EVC: variants seen among roughly 807,000 people sequenced by gnomAD.
EVC encodes the protein EvC ciliary complex subunit 1, also known as evC complex member EVC.
EVC carries 116 observed loss-of-function variants against 118.9 expected under a neutral mutation model. The observed-to-expected ratio is 0.98, with a 90% confidence interval of 0.84 to 1.14. The LOEUF (loss-of-function observed/expected upper bound fraction) is 1.14. Among genes scored for constraint, EVC ranks in the 50% most tolerant of loss-of-function variants. EVC has a pLI of 0.00. For missense variants in EVC, 1,401 were observed against 1,246.4 expected, an observed-to-expected ratio of 1.12 and a Z score of -1.87; for synonymous variants, 619 against 534.7, an observed-to-expected ratio of 1.16 and a Z score of -2.18.
chr4:5,776,064 T>G (rs1734676002), intron 11 of EVC, among the ~76,000 whole-genome samples: 1 of 152,092 alleles, frequency 6.6e-6, no homozygotes, highest in South Asian at 2.1e-4. Context: ...TTTCCATTCC[T>G]AATTTGCTAA....
chr4:5,803,980 G>C (rs920166879), intron 16 of EVC, among the ~76,000 whole-genome samples: 1 of 147,154 alleles, frequency 6.8e-6, no homozygotes, highest in African/African-American at 2.5e-5. Context: ...TCACTCAATC[G>C]CCCAGACTGG....
downstream of EVC, among the ~76,000 whole-genome samples, chr4:5,816,823 G>C (rs751920530): frequency 4.6e-5 from 7 of 151,762 alleles, no homozygotes; most frequent in African/African-American, 1.7e-4. Context: ...TACACATCTT[G>C]CCCACATCTA....
intron 3 of EVC, 86 bp downstream of exon 3, chr4:5,729,476 T>C: frequency 7.7e-7 from 1 of 1,298,490 alleles, no homozygotes; most frequent in Non-Finnish European, 1.1e-6. Context: ...ATTAACTGTG[T>C]GATGTTTGGT....
At chr4:5,757,580 C>G (rs79624592) in intron 11 of EVC, among the ~76,000 whole-genome samples, 10,085 of 152,306 alleles carry the variant, frequency 0.066, 1,119 homozygotes, top group African/African-American at 0.23. Flanking sequence ...GCCTCTCTTC[C>G]GGGCTTGCAG....
Position 5,743,813 on chromosome 4 carries a change from G to C in EVC, c.802-1391G>C, listed in dbSNP as rs1728974851. 6.6e-6 allele frequency among the ~76,000 whole-genome samples: 1 copy of C among 152,136 alleles called. No individual in the cohort carries two copies. The highest frequency in any genetic ancestry group is 2.4e-5 in the African/African-American group (1 of 41,428). The stretch of plus-strand genomic sequence containing the variant: ...AATAGTTATGACAGCCCTGTGAGTG[G>C]CCATTGTTATTTTTGTTTTACAGCT... On this transcript the variant is annotated intron_variant, in intron 6 of 20. Transcript: ENST00000264956. The surrounding 1 kb of genome is among the most constrained non-coding windows in gnomAD (Gnocchi z 4.7).
At chr4:5,801,117 C>T (rs1338962047) in intron 15 of EVC, among the ~76,000 whole-genome samples, 2 of 152,186 alleles carry the variant, frequency 1.3e-5, no homozygotes, top group Non-Finnish European at 2.9e-5. Flanking sequence ...TGTAGAAACG[C>T]ATGTAGCTGC....
intron 2 of EVC, among the ~76,000 whole-genome samples, chr4:5,728,128 T>A (rs1049133461): frequency 1.3e-5 from 2 of 152,174 alleles, no homozygotes; most frequent in African/African-American, 2.4e-5. Context: ...TGGCTGCTTG[T>A]TGGGGATGGC....
Position 5,711,266 on chromosome 4 carries a change from T to G in EVC, c.-115T>G, listed in dbSNP as rs1577296255. ...GGGAGACTGCACAGGCCAGAAAGTC[T>G]GCGGAGCGGGCCGCGCCCCTGGCCC... is the stretch of plus-strand genomic sequence containing the variant. On this transcript the variant is annotated 5_prime_UTR_variant, in exon 1 of 21. Transcript: ENST00000264956. 1 of 674,680 alleles carries G rather than the reference T, an allele frequency of 1.5e-6. No homozygotes were observed. The highest frequency in any genetic ancestry group is 1.8e-6 in the Non-Finnish European group (1 of 545,388). 41.8% of individuals were successfully genotyped at this position (674,680 alleles called of 1,614,324 possible).
chr4:5,759,674 C>G (rs896869209), intron 11 of EVC, among the ~76,000 whole-genome samples: 3 of 152,198 alleles, frequency 2.0e-5, no homozygotes, highest in Non-Finnish European at 2.9e-5. Flanking sequence ...ATTACACAAC[C>G]AGGCTGACAG....
chr4:5,797,283 A>T lies in EVC; in HGVS notation c.2097+51A>T, dbSNP rs1394936183. 11 of 1,426,354 alleles carry T rather than the reference A, an allele frequency of 7.7e-6. No homozygotes were observed. The East Asian group carries it at 2.5e-4, about 32-fold the overall frequency. The allele number at this position is 1,426,354 out of a possible 1,614,324, so 88.4% of individuals were successfully genotyped here. Reference sequence around the variant, plus strand: ...CATTCCAGACAGGCGGTGCCCCTGCAGCAGGCCCCAGCTTCCAGCAGGTTT... The same window carrying T: ...CATTCCAGACAGGCGGTGCCCCTGCTGCAGGCCCCAGCTTCCAGCAGGTTT... On this transcript the variant is annotated intron_variant, in intron 14 of 20. Coordinates refer to ENST00000264956, the MANE Select transcript of EVC (RefSeq NM_153717.3).
rs57482108 is a variant in EVC at position 5,749,341 on chromosome 4, G to GAAA, written c.1098+1052_1098+1054dup. On this transcript the variant is annotated intron_variant, in intron 8 of 20. Coordinates refer to ENST00000264956, the MANE Select transcript of EVC (RefSeq NM_153717.3). This position sits in a 1 kb window ranked among gnomAD's most constrained non-coding sequence, Gnocchi z 4.4. ...TAACACTAACGATAGCTGATGAGCGGAAAAAAAAAAAAAAAAAAAGGTCCC... is the reference window on the plus strand; with the variant it reads ...TAACACTAACGATAGCTGATGAGCGGAAAAAAAAAAAAAAAAAAAAAAGGTCCC... Among the ~76,000 whole-genome samples, 1 of 121,876 alleles carries GAAA rather than the reference G, an allele frequency of 8.2e-6. No homozygotes were observed. The highest frequency in any genetic ancestry group is 3.2e-5 in the African/African-American group (1 of 31,282). 80.0% of individuals were successfully genotyped at this position (121,876 alleles called of 152,430 possible). A position where few individuals can be genotyped will look rare whatever the true frequency, so the allele number is the denominator to read the frequency against.
chr4:5,746,316 T>G lies in EVC; in HGVS notation c.939+975T>G, dbSNP rs888515619. Among the ~76,000 whole-genome samples, 2 of 152,088 alleles carry G rather than the reference T, an allele frequency of 1.3e-5. No individual in the cohort carries two copies. Among genetic ancestry groups the G allele is most frequent in the South Asian group, 4.1e-4 (2 of 4,822 alleles). ...TGGGCTAATCCAGCAGGAACTTTAT[T>G]AAGGCAACTGCAGTAGGATGGAGAG... On this transcript the variant is annotated intron_variant, in intron 7 of 20. Coordinates refer to ENST00000264956, the MANE Select transcript of EVC (RefSeq NM_153717.3). This position sits in a 1 kb window ranked among gnomAD's most constrained non-coding sequence, Gnocchi z 5.8.
Position 5,756,826 on chromosome 4 carries a change from G to C in EVC, c.1563+464G>C, listed in dbSNP as rs1248545629. ...TGAAGCTGGCCATGCTTGCCCTGCA[G>C]GGTGACTTTCAGAGAGCAGGAGAGG... On this transcript the variant is annotated intron_variant, in intron 11 of 20. Coordinates refer to ENST00000264956, the MANE Select transcript of EVC (RefSeq NM_153717.3). This position sits in a 1 kb window ranked among gnomAD's most constrained non-coding sequence, Gnocchi z 4.2. Among the ~76,000 whole-genome samples the C allele has an allele frequency of 6.6e-6, 1 of 152,146 alleles. No homozygotes were observed.
chr4:5,815,637 C>G (rs909125170), downstream of EVC, among the ~76,000 whole-genome samples: 4 of 152,140 alleles, frequency 2.6e-5, no homozygotes, highest in Non-Finnish European at 4.4e-5. Flanking sequence ...CAGGGAAGTC[C>G]CTTGTGCTGT....
chr4:5,821,810 G>C, the EVC span: 2 of 1,611,330 alleles, frequency 1.2e-6, no homozygotes, highest in Non-Finnish European at 1.7e-6. This position sits in a 1 kb window ranked among gnomAD's most constrained non-coding sequence, Gnocchi z 4.4. Context: ...GCCACGATGC[G>C]GTGGCCGGTG....
intron 11 of EVC, among the ~76,000 whole-genome samples, chr4:5,783,071 C>T (rs542655043): frequency 4.4e-4 from 67 of 151,670 alleles, no homozygotes; most frequent in Non-Finnish European, 7.8e-4. Flanking sequence ...GGGTGCATCC[C>T]AAGGCTGTGC....
the EVC span, chr4:5,821,833 T>C: frequency 1.3e-6 from 2 of 1,594,178 alleles, no homozygotes; most frequent in Non-Finnish European, 1.7e-6. This position sits in a 1 kb window ranked among gnomAD's most constrained non-coding sequence, Gnocchi z 4.4. Context: ...CCTGGGATTG[T>C]TGTCATCTAT....
At position 5,756,745 on chromosome 4, in the gene EVC, C is replaced by G. The variant is rs1389226768; in HGVS notation, c.1563+383C>G. Among the ~76,000 whole-genome samples the G allele has an allele frequency of 1.3e-5, 2 of 152,114 alleles. No homozygotes were observed. The highest frequency in any genetic ancestry group is 2.4e-5 in the African/African-American group (1 of 41,418). On this transcript the variant is annotated intron_variant, in intron 11 of 20. Coordinates refer to ENST00000264956, the MANE Select transcript of EVC (RefSeq NM_153717.3). This position sits in a 1 kb window ranked among gnomAD's most constrained non-coding sequence, Gnocchi z 4.2. ...GCTGAAATGGGGACGTCAGAGATCA[C>G]ATGCCACACCACCTCTTTCCCCTGT...
At chr4:5,824,896 G>A in the EVC span, 13 of 985,396 alleles carry the variant, frequency 1.3e-5, no homozygotes, top group Non-Finnish European at 1.6e-5. Flanking sequence ...GAGACCTTAA[G>A]AAAGTCAGGA....
Sources: allele counts gnomAD v4.1 joint callset (sites outside exome capture counted in the v4.1 genomes callset), GRCh38; gene constraint gnomAD v4.1.1; non-coding constraint Gnocchi (gnomAD v3.1); transcripts MANE v1.5; gene names NCBI Gene and HGNC (gene_info 2026-07-23, HGNC 2026-07-21).